The following GRIP1 variants were observed in gnomAD, a reference collection of about 807,000 sequenced individuals.
GRIP1 encodes the protein glutamate receptor-interacting protein 1.
In GRIP1, 45 loss-of-function variants were observed where a neutral mutation model predicts 129.9. That is an observed-to-expected ratio of 0.35 (90% confidence interval 0.27 to 0.44). GRIP1 has a LOEUF of 0.44. Ranked by LOEUF, GRIP1 falls within the 20% of genes least tolerant of loss-of-function variation. The probability of loss-of-function intolerance (pLI) is 1.00; values close to 1 mark genes in which losing one functional copy is unlikely to be tolerated. For synonymous variants in GRIP1, 530 were observed against 520.8 expected (o/e 1.02, Z -0.24); for missense variants, 1,196 against 1,396.8 (o/e 0.86, Z 2.29).
chr12:66,409,777 C>T (rs1296562973), intron 15 of GRIP1, among the ~76,000 whole-genome samples: 2 of 152,068 alleles, frequency 1.3e-5, no homozygotes, highest in East Asian at 3.9e-4. Flanking sequence ...TTTGAGTAAA[C>T]AATAAAGTTT....
intron 7 of GRIP1, among the ~76,000 whole-genome samples, chr12:66,476,510 A>C (rs982044918): frequency 2.0e-5 from 3 of 152,218 alleles, no homozygotes; most frequent in Non-Finnish European, 2.9e-5. Context: ...TCCCTAACTC[A>C]TTTTATGCTC....
At chr12:66,726,133 C>G (rs1309273967) in intron 1 of GRIP1, among the ~76,000 whole-genome samples, 1 of 151,864 alleles carries the variant, frequency 6.6e-6, no homozygotes, top group Non-Finnish European at 1.5e-5. Context: ...TATAGCATCC[C>G]CAAATATAAA....
intron 1 of GRIP1, among the ~76,000 whole-genome samples, chr12:66,774,310 C>T (rs2037912776): frequency 1.3e-5 from 2 of 152,178 alleles, no homozygotes; most frequent in South Asian, 4.1e-4. Flanking sequence ...TGAAAATGCT[C>T]TGAAAACCAA....
chr12:66,634,241 A>AT (rs893646549), intron 1 of GRIP1, among the ~76,000 whole-genome samples: 4 of 152,038 alleles, frequency 2.6e-5, no homozygotes, highest in Non-Finnish European at 5.9e-5. Context: ...TATGTGTTAC[A>AT]TTTTTTTTCC....
chr12:66,746,311 T>C (rs933529517), intron 1 of GRIP1, among the ~76,000 whole-genome samples: 1 of 152,176 alleles, frequency 6.6e-6, no homozygotes, highest in East Asian at 1.9e-4. Context: ...CATGGATACA[T>C]TGCATATTTC....
intron 1 of GRIP1, among the ~76,000 whole-genome samples, chr12:66,988,567 A>G (rs1227071168): frequency 5.3e-5 from 8 of 151,976 alleles, no homozygotes; most frequent in Non-Finnish European, 8.8e-5. Flanking sequence ...TTTTGTAGAG[A>G]CGGGGTTTCC....
chr12:67,037,495 G>A (rs1240395962), intron 1 of GRIP1: 3 of 151,734 alleles, frequency 2.0e-5, no homozygotes, highest in African/African-American at 7.3e-5. Flanking sequence ...ATACATTGCT[G>A]TAAAAAAAAT....
rs1013570843 is a variant in GRIP1, at chr12:66,575,938, A to C, written c.136+20909T>G. Among the ~76,000 whole-genome samples the C allele has an allele frequency of 2.0e-5, 3 of 152,216 alleles. No individual in the cohort carries two copies. In the East Asian group the frequency reaches 5.8e-4, roughly 29 times the overall value. On this transcript the variant is annotated intron_variant, in intron 2 of 24. Transcript: ENST00000359742. ...AGAATGCCCTAGCTGTTTAGAATATATTCAAGTTTCTAGAGTCAGATAAAG... is the reference window on the plus strand; with the variant it reads ...AGAATGCCCTAGCTGTTTAGAATATCTTCAAGTTTCTAGAGTCAGATAAAG...
chr12:66,523,643 A>G (rs2061107588), intron 5 of GRIP1, among the ~76,000 whole-genome samples: 1 of 152,144 alleles, frequency 6.6e-6, no homozygotes, highest in South Asian at 2.1e-4. Flanking sequence ...ATCACCAGCT[A>G]ACATCATAAT....
At chr12:66,738,379 C>T (rs1027783180) in intron 1 of GRIP1, among the ~76,000 whole-genome samples, 1 of 151,804 alleles carries the variant, frequency 6.6e-6, no homozygotes, top group African/African-American at 2.4e-5. Flanking sequence ...GCCACCACGC[C>T]CGACTAATTT....
At chr12:66,674,886 G>A (rs1205718151) in intron 1 of GRIP1, among the ~76,000 whole-genome samples, 2 of 152,124 alleles carry the variant, frequency 1.3e-5, no homozygotes, top group African/African-American at 4.8e-5. Context: ...TCAGGAAGAA[G>A]AGAGGGAGAG....
intron 5 of GRIP1, among the ~76,000 whole-genome samples, chr12:66,519,112 G>A (rs774506946): frequency 2.0e-5 from 3 of 150,986 alleles, no homozygotes; most frequent in South Asian, 2.1e-4. Context: ...GGCATAGGCC[G>A]AAAGGTCAAC....
chr12:67,065,085 TC>T (rs1773308915), intron 1 of GRIP1: 1 of 151,788 alleles, frequency 6.6e-6, no homozygotes, highest in South Asian at 2.1e-4. Context: ...CATGAACTCA[TC>T]ATTTTTTATG....
chr12:66,563,735 T>C (rs2062625822), intron 2 of GRIP1: 1 of 152,668 alleles, frequency 6.6e-6, no homozygotes, highest in Non-Finnish European at 1.5e-5. Context: ...TTTTATGTTG[T>C]TGCAAATGGT....
intron 1 of GRIP1, among the ~76,000 whole-genome samples, chr12:66,979,460 G>A (rs2042212320): frequency 6.6e-6 from 1 of 151,946 alleles, no homozygotes; most frequent in African/African-American, 2.4e-5. Context: ...TACAGCTGCT[G>A]TCTTCACGAA....
chr12:66,738,879 G>A (rs2036697925), intron 1 of GRIP1, among the ~76,000 whole-genome samples: 1 of 152,126 alleles, frequency 6.6e-6, no homozygotes, highest in African/African-American at 2.4e-5. Context: ...ACTTTTCTAC[G>A]TTGCCTCTCC....
chr12:67,059,616 A>AT (rs1424024617), intron 1 of GRIP1, among the ~76,000 whole-genome samples: 1 of 152,174 alleles, frequency 6.6e-6, no homozygotes, highest in African/African-American at 2.4e-5. Flanking sequence ...ACAAGATCTA[A>AT]TTTTTTCCTT....
upstream of GRIP1, among the ~76,000 whole-genome samples, chr12:66,808,704 G>C (rs915104235): frequency 6.6e-6 from 1 of 152,062 alleles, no homozygotes; most frequent in Non-Finnish European, 1.5e-5. Flanking sequence ...TGGTAACCTT[G>C]AGCCTGATTC....
chr12:66,495,148 ATGT>A (rs1431406965), intron 7 of GRIP1, among the ~76,000 whole-genome samples: 1 of 152,194 alleles, frequency 6.6e-6, no homozygotes, highest in Non-Finnish European at 1.5e-5. Flanking sequence ...TTTCCAGTTG[ATGT>A]GAAAAATTAC....
Sources: allele counts gnomAD v4.1 joint callset (sites outside exome capture counted in the v4.1 genomes callset), GRCh38; gene constraint gnomAD v4.1.1; transcripts MANE v1.5; gene names NCBI Gene and HGNC (gene_info 2026-07-23, HGNC 2026-07-21).